Variants in ZDHHC7 observed in about 807,000 individuals in gnomAD.
ZDHHC7 encodes the protein zDHHC palmitoyltransferase 7, also known as palmitoyltransferase ZDHHC7.
A neutral mutation model predicts 34.1 loss-of-function variants in ZDHHC7; 12 were observed. The ratio of observed to expected loss-of-function variants is 0.35; its 90% confidence interval spans 0.23 to 0.57. ZDHHC7 has a LOEUF of 0.57. ZDHHC7 is among the 20% of genes least tolerant of loss of function. ZDHHC7 has a pLI of 0.84. For missense variants in ZDHHC7, 388 were observed against 402.7 expected (o/e 0.96, Z 0.31); for synonymous variants, 185 against 155.4 (o/e 1.19, Z -1.42).
intron 2 of ZDHHC7, among the ~76,000 whole-genome samples, chr16:84,993,923 T>C (rs577312191): frequency 6.6e-6 from 1 of 152,342 alleles, no homozygotes; most frequent in Non-Finnish European, 1.5e-5. Flanking sequence ...TGAGGAGCAC[T>C]TTGCGAAGAG....
At chr16:84,992,899 T>C (rs901345290) in intron 2 of ZDHHC7, among the ~76,000 whole-genome samples, 2 of 152,228 alleles carry the variant, frequency 1.3e-5, no homozygotes, top group African/African-American at 2.4e-5. Flanking sequence ...CGAATGAACA[T>C]GTGGTGAGGA....
intron 2 of ZDHHC7, 23 bp from the exon 3 acceptor site, chr16:84,990,658 G>A: frequency 6.3e-7 from 1 of 1,583,490 alleles, no homozygotes; most frequent in Non-Finnish European, 8.6e-7. Context: ...ACGACACAGA[G>A]CTGGTAAGGC....
At chr16:85,021,184 T>G in the ZDHHC7 span, among the ~76,000 whole-genome samples, 1 of 149,048 alleles carries the variant, frequency 6.7e-6, no homozygotes, top group African/African-American at 2.5e-5. Context: ...GAGGCCGAGG[T>G]GGGCGGATCA....
At chr16:85,010,209 AG>A (rs2072772518) in intron 1 of ZDHHC7, among the ~76,000 whole-genome samples, 1 of 151,044 alleles carries the variant, frequency 6.6e-6, no homozygotes, top group Non-Finnish European at 1.5e-5. Flanking sequence ...TTTGTAGAGA[AG>A]GGGATCTCAC....
intron 5 of ZDHHC7, among the ~76,000 whole-genome samples, chr16:84,978,631 G>A (rs1164902921): frequency 1.3e-5 from 2 of 152,110 alleles, no homozygotes; most frequent in African/African-American, 2.4e-5. Context: ...GGGAGGCCGA[G>A]GTGGGCGGAT....
upstream of ZDHHC7, among the ~76,000 whole-genome samples, chr16:85,013,607 C>G (rs1246799876): frequency 1.3e-5 from 2 of 152,178 alleles, no homozygotes; most frequent in African/African-American, 4.8e-5. Context: ...CTTCGAGTTA[C>G]TCTTTCCCAA....
chr16:84,986,925 C>G lies in ZDHHC7; in HGVS notation c.315+3379G>C, dbSNP rs1329539676. Among the ~76,000 whole-genome samples, 6 of 152,294 alleles carry G rather than the reference C, an allele frequency of 3.9e-5. No homozygotes were observed. In the South Asian group the frequency reaches 8.3e-4, roughly 21 times the overall value. ...CTGTGGAGAGAAGAAATCAACTCCCCACTGGGAGAACAGAGGTGACACCTG... is the reference window on the plus strand; with the variant it reads ...CTGTGGAGAGAAGAAATCAACTCCCGACTGGGAGAACAGAGGTGACACCTG... On this transcript the variant is annotated intron_variant, in intron 3 of 7. Coordinates refer to ENST00000313732, the MANE Select transcript of ZDHHC7 (RefSeq NM_017740.3).
intron 3 of ZDHHC7, among the ~76,000 whole-genome samples, chr16:84,987,739 G>A (rs1253653808): frequency 1.3e-5 from 2 of 152,150 alleles, no homozygotes; most frequent in Admixed American, 6.5e-5. Flanking sequence ...AGAAGGGTCC[G>A]GCCAGAGCAT....
intron 1 of ZDHHC7, among the ~76,000 whole-genome samples, chr16:85,002,307 G>A (rs760839484): frequency 6.6e-6 from 1 of 152,088 alleles, no homozygotes; most frequent in Non-Finnish European, 1.5e-5. Flanking sequence ...AGTACGGAAA[G>A]GAGGAAAATA....
rs892935010 is a variant in ZDHHC7, at chr16:84,992,167, G to A, written c.-17-1532C>T. Among the ~76,000 whole-genome samples the A allele has an allele frequency of 3.7e-5, 5 of 135,664 alleles. No homozygotes were observed. In the East Asian group the frequency reaches 1.2e-3, roughly 33 times the overall value. 89.0% of individuals were successfully genotyped at this position (135,664 alleles called of 152,430 possible). On this transcript the variant is annotated intron_variant, in intron 2 of 7. Transcript: ENST00000313732. ...CTGGACTCAGTCTCAAAAAAAAAAA[G>A]AAAAGAAAAGAAAAAAGTGGGTCAG...
At chr16:84,995,157 TCA>T (rs2072560064) in intron 2 of ZDHHC7, among the ~76,000 whole-genome samples, 1 of 152,180 alleles carries the variant, frequency 6.6e-6, no homozygotes, top group Admixed American at 6.5e-5. Context: ...CTGGGCACTC[TCA>T]CACAGATGCC....
At chr16:84,994,378 C>A (rs1177958758) in intron 2 of ZDHHC7, among the ~76,000 whole-genome samples, 5 of 152,228 alleles carry the variant, frequency 3.3e-5, no homozygotes, top group Non-Finnish European at 7.3e-5. Flanking sequence ...TTCCTCTGAG[C>A]AGAACCATTT....
the ZDHHC7 span, among the ~76,000 whole-genome samples, chr16:85,021,110 A>T: frequency 6.6e-6 from 1 of 151,492 alleles, no homozygotes; most frequent in Admixed American, 6.6e-5. Flanking sequence ...CTCTTAAAAA[A>T]AAATTAAAAA....
chr16:84,985,723 G>C (rs2072427524), intron 3 of ZDHHC7, among the ~76,000 whole-genome samples: 1 of 152,028 alleles, frequency 6.6e-6, no homozygotes, highest in African/African-American at 2.4e-5. Context: ...GGGAGGCCGA[G>C]GCAGGCGGAT....
chr16:84,978,269 G>C (rs2072324142), intron 5 of ZDHHC7: 1 of 306,644 alleles, frequency 3.3e-6, no homozygotes, highest in African/African-American at 2.2e-5. Flanking sequence ...CTGACCTCTA[G>C]TGATCCACCC....
chr16:84,995,692 T>C (rs2072568056), intron 2 of ZDHHC7, among the ~76,000 whole-genome samples: 1 of 152,138 alleles, frequency 6.6e-6, no homozygotes, highest in African/African-American at 2.4e-5. Context: ...ATTCCCCTCA[T>C]CTTGTGATAC....
At chr16:85,024,876 C>CTGAA in the ZDHHC7 span, among the ~76,000 whole-genome samples, 1 of 152,200 alleles carries the variant, frequency 6.6e-6, no homozygotes, top group Non-Finnish European at 1.5e-5. Context: ...AGAACAAATC[C>CTGAA]TGGGGCTTTT....
intron 1 of ZDHHC7, among the ~76,000 whole-genome samples, chr16:84,997,004 CGACA>C (rs1352829299): frequency 6.8e-6 from 1 of 146,362 alleles, no homozygotes; most frequent in African/African-American, 2.6e-5. Flanking sequence ...CCAGCCTGGG[CGACA>C]GAGCAAGACT....
At chr16:85,017,118 T>A in the ZDHHC7 span, among the ~76,000 whole-genome samples, 1 of 152,220 alleles carries the variant, frequency 6.6e-6, no homozygotes, top group Non-Finnish European at 1.5e-5. Context: ...TTGTTCAATT[T>A]TTTAATCATG....
Sources: allele counts gnomAD v4.1 joint callset (sites outside exome capture counted in the v4.1 genomes callset), GRCh38; gene constraint gnomAD v4.1.1; transcripts MANE v1.5; gene names NCBI Gene and HGNC (gene_info 2026-07-23, HGNC 2026-07-21).